The following SATB1 variants were observed in gnomAD, a reference collection of about 807,000 sequenced individuals.
SATB1 encodes SATB homeobox 1.
Under a neutral mutation model 86.9 loss-of-function variants are expected in SATB1, and 11 were observed. The observed-to-expected ratio is 0.13, with a 90% CI of 0.08 to 0.21. The LOEUF is 0.21. Among genes scored for constraint, SATB1 ranks in the 10% least tolerant of loss-of-function variants. The probability of loss-of-function intolerance (pLI) is 1.00; values close to 1 mark genes in which losing one functional copy is unlikely to be tolerated. For missense variants in SATB1, 551 were observed against 937.6 expected (o/e 0.59, Z 5.39); for synonymous variants, 357 against 357.2 (o/e 1.00, Z 0.01).
chr3:18,372,002 C>A (rs560902007), intron 9 of SATB1, among the ~76,000 whole-genome samples: 1 of 152,292 alleles, frequency 6.6e-6, no homozygotes, highest in East Asian at 1.9e-4. Context: ...ACTGACAAAG[C>A]TGAATACAGA....
At chr3:18,366,438 CATCA>C (rs141494702) in intron 9 of SATB1, among the ~76,000 whole-genome samples, 15,100 of 151,178 alleles carry the variant, frequency 0.1, 1,400 homozygotes, top group African/African-American at 0.23. Context: ...AAAAAACTTC[CATCA>C]ATCAATCAAT....
At chr3:18,360,179 G>T (rs527554424) in intron 9 of SATB1, among the ~76,000 whole-genome samples, 1 of 152,154 alleles carries the variant, frequency 6.6e-6, no homozygotes, top group South Asian at 2.1e-4. Flanking sequence ...GTTTAATTTC[G>T]CCCATGAAAC....
At chr3:18,438,623 T>C (rs951166134) in exon 1 of SATB1, 3 of 152,154 alleles carry the variant, frequency 2.0e-5, no homozygotes, top group African/African-American at 7.2e-5. Context: ...TCTGAAAAAG[T>C]AGTCTTTGAT....
chr3:18,416,806 G>A (rs1198501569), intron 3 of SATB1, 96 bp downstream of exon 3: 1 of 1,247,072 alleles, frequency 8.0e-7, no homozygotes, highest in East Asian at 2.4e-5. Flanking sequence ...TAATACACAG[G>A]CTACAGTTCT....
At position 18,349,903 on chromosome 3, in the gene SATB1, G is replaced by T; in HGVS notation, c.1780-221C>A. ...GGATGAATTAAGACAGCTTTGGGGGGCTACTGCACTTACTTATCAGAGATC... is the reference window on the plus strand; with the variant it reads ...GGATGAATTAAGACAGCTTTGGGGGTCTACTGCACTTACTTATCAGAGATC... On this transcript the variant is annotated intron_variant, in intron 10 of 10. Coordinates refer to ENST00000338745, the MANE Select transcript of SATB1 (RefSeq NM_002971.6). This position sits in a 1 kb window ranked among gnomAD's most constrained non-coding sequence, Gnocchi z 5.5. 1 of 704,114 alleles carries T rather than the reference G, an allele frequency of 1.4e-6. No homozygotes were observed. Among genetic ancestry groups the T allele is most frequent in the Non-Finnish European group, 2.2e-6 (1 of 453,968 alleles). 43.6% of individuals were successfully genotyped at this position (704,114 alleles called of 1,614,324 possible).
rs376347787 is a variant in SATB1 at position 18,394,924 on chromosome 3, G to A, written c.752-8C>T. 3 of 1,553,092 alleles carry A rather than the reference G, an allele frequency of 1.9e-6. No individual in the cohort carries two copies. Among genetic ancestry groups the A allele is most frequent in the Non-Finnish European group, 2.6e-6 (3 of 1,149,092 alleles). ...AAAGACTATCCATTTCAACTAAAGT[G>A]GACAAAGAGTAAAATCACATTCAGC... On this transcript the variant is annotated splice_polypyrimidine_tract_variant and splice_region_variant and intron_variant, in intron 6 of 10. Transcript: ENST00000338745. The surrounding 1 kb of genome is among the most constrained non-coding windows in gnomAD (Gnocchi z 5.9).
intron 9 of SATB1, among the ~76,000 whole-genome samples, chr3:18,359,956 A>G (rs369574915): frequency 2.0e-5 from 3 of 152,074 alleles, no homozygotes; most frequent in African/African-American, 4.8e-5. Context: ...TCCTTGAATT[A>G]CTATGTTAGA....
intron 9 of SATB1, among the ~76,000 whole-genome samples, chr3:18,356,419 G>GAAAAAAAAAAAAAAAAAA: frequency 8.2e-6 from 1 of 122,178 alleles, no homozygotes; most frequent in Non-Finnish European, 1.7e-5. Context: ...ATGTAAGATT[G>GAAAAAAAAAAAAAAAAAA]AAAAAAAAAA....
intron 5 of SATB1, chr3:18,408,969 T>C (rs569193966): frequency 1.3e-5 from 2 of 152,054 alleles, no homozygotes; most frequent in Non-Finnish European, 2.9e-5. Context: ...TATTTATTAT[T>C]CTAAGCATCA....
rs182979607 is a variant in SATB1, at chr3:18,364,467, T to A, written c.1576-12272A>T. 8.1e-4 allele frequency among the ~76,000 whole-genome samples: 124 copies of A among 152,296 alleles called. No homozygotes were observed. In the Middle Eastern group the frequency reaches 0.017, roughly 21 times the overall value. On this transcript the variant is annotated intron_variant, in intron 9 of 10. Coordinates refer to ENST00000338745, the MANE Select transcript of SATB1 (RefSeq NM_002971.6). Reference sequence around the variant, plus strand: ...TAGGACAGGAAAATATTTTGTGATTTTTTTTTAATGGTGACAAATTCATAG... The same window carrying A: ...TAGGACAGGAAAATATTTTGTGATTATTTTTTAATGGTGACAAATTCATAG...
chr3:18,412,511 C>T (rs532841238), intron 5 of SATB1, among the ~76,000 whole-genome samples: 30 of 151,980 alleles, frequency 2.0e-4, no homozygotes, highest in Non-Finnish European at 3.8e-4. Context: ...AAAATAAAAC[C>T]CTTACTGTAC....
chr3:18,345,565 T>G lies in SATB1; in HGVS notation c.*3605A>C, dbSNP rs1026808191. On this transcript the variant is annotated 3_prime_UTR_variant, in exon 11 of 11. Transcript: ENST00000338745. ...GACATGCAAGTATTTAGTATTTACATTAAAAGGATTGCCTCAGAAGAAACA... is the reference window on the plus strand; with the variant it reads ...GACATGCAAGTATTTAGTATTTACAGTAAAAGGATTGCCTCAGAAGAAACA... The G allele has an allele frequency of 6.6e-6, 1 of 152,094 alleles. No homozygotes were observed. The highest frequency in any genetic ancestry group is 2.4e-5 in the African/African-American group (1 of 41,438). The allele number at this position is 152,094 out of a possible 1,614,324, so 9.4% of individuals were successfully genotyped here.
rs934828863 is a variant in SATB1, at chr3:18,395,013, G to A, written c.752-97C>T. 8.4e-6 allele frequency: 8 copies of A among 951,114 alleles called. No individual in the cohort carries two copies. The African/African-American group carries it at 9.9e-5, about 12-fold the overall frequency. 58.9% of individuals were successfully genotyped at this position (951,114 alleles called of 1,614,324 possible). A position where few individuals can be genotyped will look rare whatever the true frequency, so the allele number is the denominator to read the frequency against. On this transcript the variant is annotated intron_variant, in intron 6 of 10. Coordinates refer to ENST00000338745, the MANE Select transcript of SATB1 (RefSeq NM_002971.6). Reference sequence around the variant, plus strand: ...CCTAAATTAAAAAAGGGTAGGCACAGGGCACACCCCAAATCCAATAAAACC... The same window carrying A: ...CCTAAATTAAAAAAGGGTAGGCACAAGGCACACCCCAAATCCAATAAAACC...
At chr3:18,400,656 C>T (rs953879552) in intron 5 of SATB1, among the ~76,000 whole-genome samples, 2 of 152,112 alleles carry the variant, frequency 1.3e-5, no homozygotes, top group African/African-American at 4.8e-5. Context: ...TAGCACAGAG[C>T]CTGTAACATA....
intron 5 of SATB1, among the ~76,000 whole-genome samples, chr3:18,402,073 C>T (rs1697297573): frequency 6.6e-6 from 1 of 152,076 alleles, no homozygotes; most frequent in South Asian, 2.1e-4. Flanking sequence ...AAAACAAAAA[C>T]CACAAAGAAT....
At chr3:18,435,108 G>C (rs1201837285) in intron 2 of SATB1, 1 of 152,086 alleles carries the variant, frequency 6.6e-6, no homozygotes, top group Non-Finnish European at 1.5e-5. Context: ...TAATAATACA[G>C]CTGACCTATG....
In SATB1 at chr3:18,394,603, T is replaced by C. The variant is rs371231610; in HGVS notation, c.1065A>G (p.Arg355=). ...QYLNHPPPVS[R]SMNKPLEQQV... The stretch of plus-strand genomic sequence containing the variant: ...GTTGCTCCAAAGGCTTATTCATAGA[T>C]CTACTGACAGGGGGAGGGTGGTTCA... The change falls in exon 7 of 11, where the codon AGA becomes AGG. Residue 355 remains arginine (R), a synonymous_variant. Coordinates refer to ENST00000338745, the MANE Select transcript of SATB1 (RefSeq NM_002971.6). The surrounding 1 kb of genome is among the most constrained non-coding windows in gnomAD (Gnocchi z 5.9). 3.7e-6 allele frequency: 6 copies of C among 1,614,044 alleles called. No individual in the cohort carries two copies. In the East Asian group the frequency reaches 1.3e-4, roughly 36 times the overall value.
intron 5 of SATB1, among the ~76,000 whole-genome samples, chr3:18,405,076 T>C (rs760973542): frequency 7.2e-5 from 11 of 152,156 alleles, no homozygotes; most frequent in Non-Finnish European, 1.2e-4. Flanking sequence ...GTCTTATTTT[T>C]AGGAAGGTTA....
At chr3:18,380,491 T>A (rs1575115533) in intron 8 of SATB1, among the ~76,000 whole-genome samples, 2 of 152,056 alleles carry the variant, frequency 1.3e-5, no homozygotes, top group South Asian at 2.1e-4. Context: ...TAAATTATTT[T>A]AAAAAATCAT....
Sources: allele counts gnomAD v4.1 joint callset (sites outside exome capture counted in the v4.1 genomes callset), GRCh38; gene constraint gnomAD v4.1.1; non-coding constraint Gnocchi (gnomAD v3.1); transcripts MANE v1.5; gene names NCBI Gene and HGNC (gene_info 2026-07-23, HGNC 2026-07-21).